STPG4: variants seen among roughly 807,000 people sequenced by gnomAD.
The protein encoded by STPG4 is protein STPG4.
A neutral mutation model predicts 31.5 loss-of-function variants in STPG4; 41 were observed. The observed-to-expected ratio is 1.30, with a 90% CI of 1.01 to 1.69. The LOEUF is 1.69. Among genes scored for constraint, STPG4 ranks in the 40% most tolerant of loss-of-function variants. STPG4 has a pLI of 0.00. For missense variants in STPG4, 375 were observed against 293.4 expected, an observed-to-expected ratio of 1.28 and a Z score of -2.03; for synonymous variants, 141 against 103.0, an observed-to-expected ratio of 1.37 and a Z score of -2.24.
chr2:47,105,992 G>A (rs548599149), intron 5 of STPG4, among the ~76,000 whole-genome samples: 1 of 152,064 alleles, frequency 6.6e-6, no homozygotes, highest in South Asian at 2.1e-4. Flanking sequence ...AAGGAGAGGG[G>A]AGAACAGCAG....
chr2:47,138,387 G>A (rs558595655), intron 3 of STPG4, among the ~76,000 whole-genome samples: 9 of 147,534 alleles, frequency 6.1e-5, no homozygotes, highest in African/African-American at 2.0e-4. Context: ...CTTTAAATTT[G>A]TTAAGGTTTT....
chr2:47,120,793 T>C lies in STPG4; in HGVS notation c.519+9148A>G, dbSNP rs185494289. 2.6e-5 allele frequency among the ~76,000 whole-genome samples: 4 copies of C among 152,290 alleles called. No individual in the cohort carries two copies. In the East Asian group the frequency reaches 7.7e-4, roughly 29 times the overall value. ...TCTCAGGGCTAGCTATCAATAGGTATCTGAAAAAATTTTTGAAGGAATTTA... is the reference window on the plus strand; with the variant it reads ...TCTCAGGGCTAGCTATCAATAGGTACCTGAAAAAATTTTTGAAGGAATTTA... On this transcript the variant is annotated intron_variant, in intron 5 of 6. Coordinates refer to ENST00000445927, the MANE Select transcript of STPG4 (RefSeq NM_001163561.2).
chr2:47,126,499 A>T (rs576805269), intron 5 of STPG4, among the ~76,000 whole-genome samples: 59 of 151,878 alleles, frequency 3.9e-4, no homozygotes, highest in African/African-American at 1.3e-3. Flanking sequence ...GGTAATTTTT[A>T]AATTTTTTGT....
intron 5 of STPG4, among the ~76,000 whole-genome samples, chr2:47,099,708 C>T (rs1318372118): frequency 1.3e-5 from 2 of 152,250 alleles, no homozygotes; most frequent in East Asian, 3.9e-4. Flanking sequence ...AGCCGGCTCC[C>T]TCAGCTTGCA....
intron 5 of STPG4, among the ~76,000 whole-genome samples, chr2:47,127,234 C>G (rs1456002290): frequency 1.8e-5 from 2 of 113,474 alleles, no homozygotes; most frequent in African/African-American, 7.4e-5. Flanking sequence ...TTTCAAATAG[C>G]TTGTCTTCAA....
At position 47,151,263 on chromosome 2, in the gene STPG4, C is replaced by T; in HGVS notation, c.394G>A (p.Asp132Asn). Residue 132 changes from aspartate to asparagine, a missense_variant, in exon 3 of 7, where the codon GAT becomes AAT. Physicochemically the swap from Asp to Asn is conservative, Grantham distance 23. Coordinates refer to ENST00000445927, the MANE Select transcript of STPG4 (RefSeq NM_001163561.2). ...ATCTGCCAGTAGCGCTTTACCTGAT[C>T]TTTGTCAACTAGTGTGCTGGGGCTT... The part of the protein sequence containing the change: ...RPSPSTLVDK[D>N]QSLQLSPGQY... The T allele has an allele frequency of 6.2e-7, 1 of 1,614,176 alleles. No homozygotes were observed. Among genetic ancestry groups the T allele is most frequent in the Non-Finnish European group, 8.5e-7 (1 of 1,180,026 alleles).
At chr2:47,148,628 C>A (rs1396551964) in intron 3 of STPG4, among the ~76,000 whole-genome samples, 1 of 151,930 alleles carries the variant, frequency 6.6e-6, no homozygotes, top group Non-Finnish European at 1.5e-5. Context: ...TGTGCTGCAC[C>A]CGTGAACTCG....
At chr2:47,146,421 A>G (rs1011902350) in intron 3 of STPG4, among the ~76,000 whole-genome samples, 1 of 152,160 alleles carries the variant, frequency 6.6e-6, no homozygotes, top group Non-Finnish European at 1.5e-5. Flanking sequence ...GATTAGACAT[A>G]CAGATGTATA....
intron 5 of STPG4, among the ~76,000 whole-genome samples, chr2:47,093,348 T>C (rs1030983029): frequency 1.3e-5 from 2 of 152,198 alleles, no homozygotes; most frequent in Non-Finnish European, 2.9e-5. Flanking sequence ...CTGTGTGGTG[T>C]GAATTCTGTA....
intron 5 of STPG4, among the ~76,000 whole-genome samples, chr2:47,115,067 C>CTTT (rs1314250178): frequency 2.0e-5 from 3 of 152,136 alleles, no homozygotes; most frequent in Non-Finnish European, 4.4e-5. Context: ...CATGCCTGGC[C>CTTT]TATTTCTTTT....
intron 3 of STPG4, among the ~76,000 whole-genome samples, chr2:47,136,390 C>T (rs12472070): frequency 0.44 from 66,231 of 151,998 alleles, 15,476 homozygotes; most frequent in East Asian, 0.7. Flanking sequence ...TCAGGTGATG[C>T]ACCCGCTTTG....
chr2:47,140,434 C>T (rs1357105792), intron 3 of STPG4, among the ~76,000 whole-genome samples: 2 of 152,178 alleles, frequency 1.3e-5, no homozygotes, highest in East Asian at 3.8e-4. Flanking sequence ...ATGATTAGGT[C>T]CTCCTGGAGC....
intron 3 of STPG4, among the ~76,000 whole-genome samples, chr2:47,146,719 G>A (rs906238421): frequency 2.0e-5 from 3 of 152,178 alleles, no homozygotes; most frequent in Non-Finnish European, 4.4e-5. Flanking sequence ...GAGCAGAGAT[G>A]GAGCAGAGGT....
chr2:47,133,120 G>C (rs1173159107), intron 3 of STPG4, among the ~76,000 whole-genome samples: 1 of 151,410 alleles, frequency 6.6e-6, no homozygotes. Flanking sequence ...TGGGTCTAAT[G>C]GTATATATAT....
At chr2:47,104,376 A>G (rs1207313155) in intron 5 of STPG4, among the ~76,000 whole-genome samples, 2 of 151,990 alleles carry the variant, frequency 1.3e-5, no homozygotes, top group East Asian at 3.8e-4. Flanking sequence ...TAAAAAAACC[A>G]AACGGTCAGT....
At chr2:47,101,400 C>T (rs866285929) in intron 5 of STPG4, among the ~76,000 whole-genome samples, 3 of 151,678 alleles carry the variant, frequency 2.0e-5, no homozygotes, top group Non-Finnish European at 2.9e-5. Context: ...ATGAGCAGAA[C>T]TCTAAAAGCA....
intron 3 of STPG4, among the ~76,000 whole-genome samples, chr2:47,146,749 C>A (rs1686829070): frequency 6.6e-6 from 1 of 151,592 alleles, no homozygotes; most frequent in South Asian, 2.1e-4. Flanking sequence ...TGGGGCACTC[C>A]AAGATGGAGA....
intron 5 of STPG4, among the ~76,000 whole-genome samples, chr2:47,119,607 G>A (rs1484455597): frequency 2.0e-5 from 3 of 152,170 alleles, no homozygotes; most frequent in Non-Finnish European, 4.4e-5. Context: ...TGTCCTAACT[G>A]CTTGCTTCCA....
chr2:47,118,100 C>T (rs1037492253), intron 5 of STPG4, among the ~76,000 whole-genome samples: 2 of 151,944 alleles, frequency 1.3e-5, no homozygotes, highest in Non-Finnish European at 2.9e-5. Flanking sequence ...AGGTTTTAAG[C>T]GAGTTGCTTA....
Sources: gnomAD v4.1 joint callset for allele counts (sites outside exome capture counted in the v4.1 genomes callset) on GRCh38, gnomAD v4.1.1 for gene constraint, MANE v1.5 for transcripts, NCBI Gene and HGNC (gene_info 2026-07-23, HGNC 2026-07-21) for gene names.